Variants in PPP1R14C observed in about 807,000 individuals in gnomAD.
PPP1R14C encodes the protein protein phosphatase 1 regulatory inhibitor subunit 14C, also known as protein phosphatase 1 regulatory subunit 14C.
Under a neutral mutation model 20.4 loss-of-function variants are expected in PPP1R14C, and 16 were observed. The ratio of observed to expected loss-of-function variants is 0.78; its 90% CI spans 0.53 to 1.19. The LOEUF is 1.19. PPP1R14C is among the 50% of genes most tolerant of loss of function. The pLI is 0.00. For synonymous variants in PPP1R14C, 91 were observed against 91.0 expected (o/e 1.00, Z 0.00); for missense variants, 211 against 220.1 (o/e 0.96, Z 0.26).
chr6:150,168,060 T>C (rs1582900596), intron 1 of PPP1R14C, among the ~76,000 whole-genome samples: 2 of 7,144 alleles, frequency 2.8e-4, no homozygotes, highest in African/African-American at 5.8e-4. Context: ...TCTCCCCCAC[T>C]CCCCTCCCAC....
chr6:150,218,485 C>CA (rs137954748), intron 3 of PPP1R14C, among the ~76,000 whole-genome samples: 3,109 of 125,558 alleles, frequency 0.025, 155 homozygotes, highest in African/African-American at 0.079. Context: ...CCCCCCCCCC[C>CA]AAAAAAAAAT....
At chr6:150,188,831 T>C (rs1777708815) in intron 1 of PPP1R14C, among the ~76,000 whole-genome samples, 1 of 150,868 alleles carries the variant, frequency 6.6e-6, no homozygotes, top group Non-Finnish European at 1.5e-5. Context: ...GGATTTTTTA[T>C]TTTTTTATTT....
intron 3 of PPP1R14C, among the ~76,000 whole-genome samples, chr6:150,248,183 A>G (rs1778516903): frequency 6.6e-6 from 1 of 152,162 alleles, no homozygotes; most frequent in African/African-American, 2.4e-5. Flanking sequence ...CTACCTCCAA[A>G]TGCCATCAAC....
chr6:150,199,291 C>T lies in PPP1R14C; in HGVS notation c.307-15453C>T, dbSNP rs144903541. On this transcript the variant is annotated intron_variant, in intron 1 of 3. Coordinates refer to ENST00000361131, the MANE Select transcript of PPP1R14C (RefSeq NM_030949.3). ...GCACGGCTATCATTCGAATGTGTCC[C>T]CTCCAAAATTCAGGTGTTGAAATTT... Among the ~76,000 whole-genome samples the T allele has an allele frequency of 3.0e-3, 456 of 152,224 alleles. 6 individuals carry two copies. The highest frequency in any genetic ancestry group is 0.018 in the East Asian group (92 of 5,188).
chr6:150,179,739 A>C (rs1328321885), intron 1 of PPP1R14C, among the ~76,000 whole-genome samples: 3 of 152,198 alleles, frequency 2.0e-5, no homozygotes, highest in Non-Finnish European at 2.9e-5. Flanking sequence ...AAAACTGAGC[A>C]ATTATATCCA....
In PPP1R14C at chr6:150,143,229, G is replaced by T. The variant is rs1304610224; in HGVS notation, c.37G>T (p.Gly13Trp). ...GACGGGCAGCAGCGAGACGGCCGGC[G>T]GGGCCAGCGGCGGCGGCGCACGGGT... ...VATGSSETAG[G>W]ASGGGARVFF... The change falls in exon 1 of 4, where the codon GGG becomes TGG. Residue 13 changes from glycine (G) to tryptophan (W), a missense_variant. Transcript: ENST00000361131. The surrounding 1 kb of genome is among the most constrained non-coding windows in gnomAD (Gnocchi z 5.6). 2 of 1,372,350 alleles carry T rather than the reference G, an allele frequency of 1.5e-6. No individual in the cohort carries two copies. The highest frequency in any genetic ancestry group is 1.9e-6 in the Non-Finnish European group (2 of 1,073,952). 85.0% of individuals were successfully genotyped at this position (1,372,350 alleles called of 1,614,324 possible).
intron 1 of PPP1R14C, among the ~76,000 whole-genome samples, chr6:150,154,281 C>G (rs1412924524): frequency 6.6e-6 from 1 of 152,178 alleles, no homozygotes; most frequent in Non-Finnish European, 1.5e-5. Flanking sequence ...TAAGCCAGGG[C>G]AGGATGTATG....
rs933101667 is a variant in PPP1R14C, at chr6:150,143,921, C to T, written c.306+423C>T. Among the ~76,000 whole-genome samples, 2 of 152,160 alleles carry T rather than the reference C, an allele frequency of 1.3e-5. No individual in the cohort carries two copies. Among genetic ancestry groups the T allele is most frequent in the Non-Finnish European group, 2.9e-5 (2 of 68,030 alleles). On this transcript the variant is annotated intron_variant, in intron 1 of 3. Coordinates refer to ENST00000361131, the MANE Select transcript of PPP1R14C (RefSeq NM_030949.3). This position sits in a 1 kb window ranked among gnomAD's most constrained non-coding sequence, Gnocchi z 5.6. ...CGCTCACTGCTGGGATCCGGGCAGCCCTGATTTTTGTGGAGAACGAGCAGG... is the reference window on the plus strand; with the variant it reads ...CGCTCACTGCTGGGATCCGGGCAGCTCTGATTTTTGTGGAGAACGAGCAGG...
intron 1 of PPP1R14C, among the ~76,000 whole-genome samples, chr6:150,154,950 A>T (rs7765984): frequency 6.6e-6 from 1 of 152,022 alleles, no homozygotes; most frequent in African/African-American, 2.4e-5. Flanking sequence ...GTTTGACTTA[A>T]GATTTTTAGG....
intron 1 of PPP1R14C, among the ~76,000 whole-genome samples, chr6:150,152,119 CAAAAAA>C (rs577869928): frequency 5.9e-4 from 50 of 84,976 alleles, no homozygotes; most frequent in African/African-American, 1.9e-3. Context: ...GACTCCGTCT[CAAAAAA>C]AAAAAAAAAA....
At chr6:150,179,469 A>G (rs955386391) in intron 1 of PPP1R14C, among the ~76,000 whole-genome samples, 1 of 151,968 alleles carries the variant, frequency 6.6e-6, no homozygotes, top group Non-Finnish European at 1.5e-5. Flanking sequence ...GACTTTATCT[A>G]TATAGCGAGG....
At chr6:150,158,932 G>A (rs560457469) in intron 1 of PPP1R14C, among the ~76,000 whole-genome samples, 2 of 152,328 alleles carry the variant, frequency 1.3e-5, no homozygotes, top group Admixed American at 1.3e-4. Flanking sequence ...AGAGGAAGCA[G>A]CCATAACACT....
At chr6:150,154,203 A>G (rs1777280837) in intron 1 of PPP1R14C, among the ~76,000 whole-genome samples, 1 of 152,232 alleles carries the variant, frequency 6.6e-6, no homozygotes, top group South Asian at 2.1e-4. Context: ...CTTATCTTTC[A>G]TTTTAATAGG....
At chr6:150,166,075 CTTCT>C (rs925361812) in intron 1 of PPP1R14C, among the ~76,000 whole-genome samples, 2 of 143,038 alleles carry the variant, frequency 1.4e-5, no homozygotes, top group African/African-American at 2.6e-5. Flanking sequence ...CGCTCTTCTT[CTTCT>C]TTTTTTTTTT....
Position 150,249,042 on chromosome 6 carries a change from G to A in PPP1R14C, c.*222G>A, listed in dbSNP as rs531248626. The A allele has an allele frequency of 2.1e-6, 1 of 471,340 alleles. No individual in the cohort carries two copies. The highest frequency in any genetic ancestry group is 3.1e-5 in the East Asian group (1 of 31,766). 29.2% of individuals were successfully genotyped at this position (471,340 alleles called of 1,614,324 possible). A position where few individuals can be genotyped will look rare whatever the true frequency, so the allele number is the denominator to read the frequency against. On this transcript the variant is annotated 3_prime_UTR_variant, in exon 4 of 4. Transcript: ENST00000361131. ...GTTAATGTAATATTTTAATAGCAAA[G>A]ATATCATGACTCTAGCCACAGCCTA...
intron 1 of PPP1R14C, among the ~76,000 whole-genome samples, chr6:150,200,558 C>T (rs991061741): frequency 2.6e-5 from 4 of 152,130 alleles, no homozygotes; most frequent in Admixed American, 1.3e-4. Context: ...CACAGTGATG[C>T]GTCTCATGGC....
intron 1 of PPP1R14C, among the ~76,000 whole-genome samples, chr6:150,188,033 T>C (rs1777697745): frequency 6.6e-6 from 1 of 152,200 alleles, no homozygotes; most frequent in Non-Finnish European, 1.5e-5. Context: ...GACTCAACAA[T>C]GTAAAAAAAC....
chr6:150,183,406 G>A (rs1777643789), intron 1 of PPP1R14C, among the ~76,000 whole-genome samples: 1 of 152,178 alleles, frequency 6.6e-6, no homozygotes, highest in Admixed American at 6.5e-5. Context: ...GGACTTCAGG[G>A]AAATTCAGTG....
At chr6:150,221,496 T>A (rs151080431) in intron 3 of PPP1R14C, among the ~76,000 whole-genome samples, 55 of 152,366 alleles carry the variant, frequency 3.6e-4, no homozygotes, top group Middle Eastern at 3.4e-3. Flanking sequence ...CTGTTATTGA[T>A]CAAAATTATT....
Sources: gnomAD v4.1 joint callset for allele counts (sites outside exome capture counted in the v4.1 genomes callset) on GRCh38, gnomAD v4.1.1 for gene constraint, Gnocchi (gnomAD v3.1) non-coding constraint, MANE v1.5 for transcripts, NCBI Gene and HGNC (gene_info 2026-07-23, HGNC 2026-07-21) for gene names.